DNAAF4: variants seen among roughly 807,000 people sequenced by gnomAD.
The protein encoded by DNAAF4 is dynein assembly factor 4, axonemal.
DNAAF4 carries 43 observed loss-of-function variants against 51.8 expected under a neutral mutation model. The observed-to-expected ratio is 0.83, with a 90% CI of 0.65 to 1.07. The LOEUF (loss-of-function observed/expected upper bound fraction) is 1.07, where lower values mean the gene tolerates loss of function less well. Ranked by LOEUF, DNAAF4 falls within the 50% of genes least tolerant of loss-of-function variation. The probability of loss-of-function intolerance (pLI) is 0.00; values close to 1 mark genes in which losing one functional copy is unlikely to be tolerated. For missense variants in DNAAF4, 581 were observed against 493.0 expected, an observed-to-expected ratio of 1.18 and a Z score of -1.69; for synonymous variants, 194 against 165.6, an observed-to-expected ratio of 1.17 and a Z score of -1.32.
At chr15:55,507,398 T>C (rs187911860) in intron 1 of DNAAF4, among the ~76,000 whole-genome samples, 68 of 152,332 alleles carry the variant, frequency 4.5e-4, no homozygotes, top group African/African-American at 1.6e-3. Flanking sequence ...CAAAGTCATC[T>C]AACATAATAA....
intron 6 of DNAAF4, among the ~76,000 whole-genome samples, chr15:55,449,178 T>A (rs1365007029): frequency 6.7e-6 from 1 of 150,044 alleles, no homozygotes; most frequent in Non-Finnish European, 1.5e-5. Context: ...TTAATAGCGA[T>A]GGGGTTTCAC....
At chr15:55,439,841 TAAG>T (rs571096046) in intron 6 of DNAAF4, among the ~76,000 whole-genome samples, 3 of 152,164 alleles carry the variant, frequency 2.0e-5, no homozygotes, top group South Asian at 4.2e-4. Flanking sequence ...TTTATCCTTT[TAAG>T]AAGAGAAAGA....
chr15:55,442,665 A>T, intron 6 of DNAAF4: 1 of 1,526,626 alleles, frequency 6.6e-7, no homozygotes, highest in Non-Finnish European at 9.1e-7. Flanking sequence ...TCAGCTTTAT[A>T]AGTAAGCTTG....
intron 6 of DNAAF4, among the ~76,000 whole-genome samples, chr15:55,443,905 G>A (rs1427891796): frequency 2.0e-5 from 3 of 152,054 alleles, no homozygotes; most frequent in African/African-American, 7.2e-5. Context: ...TTTTTTTCTT[G>A]TAAGTTTGTT....
chr15:55,441,275 T>C (rs570747179), intron 6 of DNAAF4, among the ~76,000 whole-genome samples: 5 of 150,674 alleles, frequency 3.3e-5, no homozygotes, highest in Admixed American at 1.3e-4. Flanking sequence ...TTTCACCATA[T>C]TGGCCAGGCT....
intron 4 of DNAAF4, among the ~76,000 whole-genome samples, chr15:55,484,217 C>T (rs2058453811): frequency 6.6e-6 from 1 of 152,124 alleles, no homozygotes. Context: ...GGCGCGGTGG[C>T]TCATGCCTGT....
At chr15:55,420,019 A>T (rs1414555413) in intron 7 of DNAAF4, among the ~76,000 whole-genome samples, 1 of 152,144 alleles carries the variant, frequency 6.6e-6, no homozygotes, top group African/African-American at 2.4e-5. Context: ...AAAAGAATAA[A>T]AAAAAGTATT....
chr15:55,491,041 A>G, intron 4 of DNAAF4, 82 bp downstream of exon 4: 1 of 1,513,668 alleles, frequency 6.6e-7, no homozygotes, highest in South Asian at 1.2e-5. Flanking sequence ...AATGCTGAGG[A>G]AGTCCAGCAG....
chr15:55,447,778 G>T (rs1177284648), intron 6 of DNAAF4, among the ~76,000 whole-genome samples: 3 of 135,404 alleles, frequency 2.2e-5, no homozygotes, highest in Admixed American at 7.6e-5. Context: ...ACCGTGGAAA[G>T]AGAGAGGGGA....
chr15:55,485,769 C>T (rs1225160426), intron 4 of DNAAF4, among the ~76,000 whole-genome samples: 1 of 151,980 alleles, frequency 6.6e-6, no homozygotes, highest in Non-Finnish European at 1.5e-5. Context: ...CTGAGGCAGG[C>T]AAATCACGAG....
intron 3 of DNAAF4, 126 bp downstream of exon 3, chr15:55,497,586 C>T: frequency 4.4e-6 from 5 of 1,141,784 alleles, no homozygotes; most frequent in Non-Finnish European, 6.0e-6. Flanking sequence ...GGCGACAGAG[C>T]AAGACTCTTA....
intron 4 of DNAAF4, among the ~76,000 whole-genome samples, chr15:55,487,485 G>A (rs568967382): frequency 3.3e-5 from 5 of 152,260 alleles, no homozygotes; most frequent in East Asian, 3.9e-4. Context: ...AGCCAGCAGC[G>A]GCAACTGGCT....
At chr15:55,422,642 A>T (rs1199907923) in intron 7 of DNAAF4, among the ~76,000 whole-genome samples, 2 of 152,176 alleles carry the variant, frequency 1.3e-5, no homozygotes, top group Admixed American at 6.6e-5. Flanking sequence ...GATATAGCAT[A>T]TGAATTGAGA....
chr15:55,499,811 G>A (rs2058684424), intron 1 of DNAAF4, among the ~76,000 whole-genome samples: 1 of 152,170 alleles, frequency 6.6e-6, no homozygotes, highest in South Asian at 2.1e-4. Flanking sequence ...AGATTATGTA[G>A]TCTTATTCTA....
intron 9 of DNAAF4, 52 bp downstream of exon 9, chr15:55,432,445 A>C: frequency 8.4e-6 from 12 of 1,424,182 alleles, no homozygotes; most frequent in South Asian, 3.8e-5. Flanking sequence ...TTCCAATGAC[A>C]TTTTTTTCAG....
chr15:55,449,788 T>C (rs568295905), intron 6 of DNAAF4, among the ~76,000 whole-genome samples: 4 of 129,734 alleles, frequency 3.1e-5, no homozygotes, highest in Non-Finnish European at 6.3e-5. Flanking sequence ...AACCTCCACA[T>C]CCCAAGTTCA....
chr15:55,443,917 G>C (rs980928610), intron 6 of DNAAF4, among the ~76,000 whole-genome samples: 1 of 152,066 alleles, frequency 6.6e-6, no homozygotes, highest in African/African-American at 2.4e-5. Flanking sequence ...AAGTTTGTTT[G>C]AGTTCTTTGT....
rs1437149264 is a variant in DNAAF4, at chr15:55,491,142, G to A, written c.386C>T (p.Ala129Val). The change falls in exon 4 of 10, where the codon GCA (alanine) becomes GTA (valine). Residue 129 changes from alanine to valine, a missense_variant. Transcript: ENST00000321149. Reference sequence around the variant, plus strand: ...ACTTACCTTCATCATGACACTTAGTGCGTATTTTTGATCTTCCCGCTTTGC... The same window carrying A: ...ACTTACCTTCATCATGACACTTAGTACGTATTTTTGATCTTCCCGCTTTGC... ...AAAKREDQKY[A>V]LSVMMKIEEE... 1.2e-6 allele frequency: 2 copies of A among 1,613,928 alleles called. No homozygotes were observed. Among genetic ancestry groups the A allele is most frequent in the African/African-American group, 2.7e-5 (2 of 74,892 alleles).
At position 55,508,193 on chromosome 15, in the gene DNAAF4, G is replaced by T. The variant is rs1007011002; in HGVS notation, c.-327C>A. Reference sequence around the variant, plus strand: ...GGAGCAGCATGCTGGGGCCAGAGTAGTCTGCTGGATCCATGGTGTGGGTTT... The same window carrying T: ...GGAGCAGCATGCTGGGGCCAGAGTATTCTGCTGGATCCATGGTGTGGGTTT... On this transcript the variant is annotated 5_prime_UTR_variant, in exon 1 of 10. Transcript: ENST00000321149. 2 of 152,224 alleles carry T rather than the reference G, an allele frequency of 1.3e-5. No homozygotes were observed. The highest frequency in any genetic ancestry group is 4.8e-5 in the African/African-American group (2 of 41,452). 9.4% of individuals were successfully genotyped at this position (152,224 alleles called of 1,614,324 possible).
Sources: allele counts gnomAD v4.1 joint callset (sites outside exome capture counted in the v4.1 genomes callset), GRCh38; gene constraint gnomAD v4.1.1; transcripts MANE v1.5; gene names NCBI Gene and HGNC (gene_info 2026-07-23, HGNC 2026-07-21).